The following PCDHGB6 variants were observed in gnomAD, a reference collection of about 807,000 sequenced individuals.
PCDHGB6 encodes protocadherin gamma subfamily B, 6.
PCDHGB6 carries 51 observed loss-of-function variants against 59.1 expected under a neutral mutation model. The ratio of observed to expected loss-of-function variants is 0.86; its 90% CI spans 0.69 to 1.09. The LOEUF (loss-of-function observed/expected upper bound fraction) is 1.09. Among genes scored for constraint, PCDHGB6 ranks in the 50% least tolerant of loss-of-function variants. The probability of loss-of-function intolerance (pLI) is 0.00; values close to 1 mark genes in which losing one functional copy is unlikely to be tolerated. For missense variants in PCDHGB6, 1,148 were observed against 1,205.1 expected, an observed-to-expected ratio of 0.95 and a Z score of 0.70; for synonymous variants, 466 against 495.1, an observed-to-expected ratio of 0.94 and a Z score of 0.78.
intron 1 of PCDHGB6, among the ~76,000 whole-genome samples, chr5:141,479,837 G>A (rs563513895): frequency 3.9e-5 from 6 of 152,338 alleles, no homozygotes; most frequent in Non-Finnish European, 8.8e-5. Flanking sequence ...TGGTATCCAT[G>A]CAAGGTGACT....
chr5:141,451,860 C>T, intron 1 of PCDHGB6, among the ~76,000 whole-genome samples: 1 of 151,832 alleles, frequency 6.6e-6, no homozygotes, highest in Non-Finnish European at 1.5e-5. Flanking sequence ...CAGCCTAGGC[C>T]ACAGAATGAA....
chr5:141,445,025 C>T (rs2154560886), intron 1 of PCDHGB6, among the ~76,000 whole-genome samples: 2 of 152,200 alleles, frequency 1.3e-5, no homozygotes, highest in Middle Eastern at 6.8e-3. Flanking sequence ...TTTCTCTCAG[C>T]TATGTTGTAT....
rs374200575 is a variant in PCDHGB6 at position 141,432,105 on chromosome 5, C to G, written c.2418+21485C>G. On this transcript the variant is annotated intron_variant, in intron 1 of 3. Transcript: ENST00000520790. This position sits in a 1 kb window ranked among gnomAD's most constrained non-coding sequence, Gnocchi z 6.0. The stretch of plus-strand genomic sequence containing the variant: ...AACGTGGCAGACACCAACGACAACC[C>G]GCCGGTCTTCCCTCAGGCCTCCTAT... 1.2e-6 allele frequency: 2 copies of G among 1,614,172 alleles called. No individual in the cohort carries two copies. Among genetic ancestry groups the G allele is most frequent in the Non-Finnish European group, 1.7e-6 (2 of 1,180,034 alleles).
In PCDHGB6 at chr5:141,476,016, G is replaced by C; in HGVS notation, c.2419-18791G>C. On this transcript the variant is annotated intron_variant, in intron 1 of 3. Transcript: ENST00000520790. This position sits in a 1 kb window ranked among gnomAD's most constrained non-coding sequence, Gnocchi z 7.6. ...TCAACGGCATCCAGAAAGCCATGTC[G>C]GACTCGGCGCCCAGCGCCCAAGCGC... 1 of 1,359,386 alleles carries C rather than the reference G, an allele frequency of 7.4e-7. No homozygotes were observed. The highest frequency in any genetic ancestry group is 2.3e-5 in the East Asian group (1 of 43,300). 84.2% of individuals were successfully genotyped at this position (1,359,386 alleles called of 1,614,324 possible).
Position 141,409,502 on chromosome 5 carries a change from T to G in PCDHGB6, c.1300T>G (p.Ser434Ala), listed in dbSNP as rs1311120933. 17 of 1,613,868 alleles carry G rather than the reference T, an allele frequency of 1.1e-5. No homozygotes were observed. The highest frequency in any genetic ancestry group is 1.4e-5 in the Non-Finnish European group (17 of 1,179,896). ...TGACAGGGGCAAGCCGCCTCTTTCT[T>G]CCAGTAGAAGCATCACCTTGTATGT... ...ATDRGKPPLS[S>A]SRSITLYVAD... Residue 434 changes from serine to alanine, a missense_variant, in exon 1 of 4, where the codon TCC (serine) becomes GCC (alanine). Physicochemically the swap from Ser to Ala is moderately conservative, Grantham distance 99. Around this residue, in one of 5 missense-constraint regions of PCDHGB6, gnomAD observed 549 missense variants for 527.5 expected, o/e 1.04. Transcript: ENST00000520790.
chr5:141,421,288 C>T, intron 1 of PCDHGB6: 1 of 1,613,312 alleles, frequency 6.2e-7, no homozygotes, highest in Non-Finnish European at 8.5e-7. Context: ...GTGCATTTTC[C>T]TGGGGACGCT....
chr5:141,425,242 G>A (rs2096863400), intron 1 of PCDHGB6, among the ~76,000 whole-genome samples: 1 of 152,128 alleles, frequency 6.6e-6, no homozygotes, highest in South Asian at 2.1e-4. Context: ...TAAATAAAAA[G>A]GATATGAGGT....
At position 141,409,295 on chromosome 5, in the gene PCDHGB6, G is replaced by A; in HGVS notation, c.1093G>A (p.Val365Ile). 6.2e-7 allele frequency: 1 copy of A among 1,613,992 alleles called. No homozygotes were observed. The highest frequency in any genetic ancestry group is 8.5e-7 in the Non-Finnish European group (1 of 1,179,904). ...QILENSPPGM[V>I]VALFKTRDLD... is the part of the protein sequence containing the mutation. ...TTTGGAGAATTCACCTCCAGGAATG[G>A]TTGTTGCCCTCTTCAAAACACGGGA... The change falls in exon 1 of 4, where the codon GTT (valine) becomes ATT (isoleucine). Residue 365 changes from valine (V) to isoleucine (I), a missense_variant. This residue lies in a region of PCDHGB6 where 549 missense variants were observed against 527.5 expected (regional missense o/e 1.04). Coordinates refer to ENST00000520790, the MANE Select transcript of PCDHGB6 (RefSeq NM_018926.3).
intron 1 of PCDHGB6, chr5:141,441,872 G>T: frequency 2.9e-6 from 1 of 341,646 alleles, no homozygotes. Flanking sequence ...GCGGAGCCTG[G>T]CTACCTGGTC....
intron 1 of PCDHGB6, among the ~76,000 whole-genome samples, chr5:141,444,933 G>A (rs1004890599): frequency 3.3e-5 from 5 of 152,152 alleles, no homozygotes; most frequent in African/African-American, 1.2e-4. Context: ...AAAGAGGGAA[G>A]GAGGGAGGAG....
At chr5:141,419,029 T>C in intron 1 of PCDHGB6, 1 of 1,613,886 alleles carries the variant, frequency 6.2e-7, no homozygotes, top group Non-Finnish European at 8.5e-7. Flanking sequence ...GTAGAGGTGT[T>C]CCATTTAAGA....
chr5:141,441,764 C>A, intron 1 of PCDHGB6: 1 of 384,482 alleles, frequency 2.6e-6, no homozygotes, highest in South Asian at 2.1e-5. Flanking sequence ...TGAGCCTGCG[C>A]GTGTTGGTGG....
chr5:141,494,712 C>T, intron 1 of PCDHGB6, 95 bp from the exon 2 acceptor site: 1 of 1,603,048 alleles, frequency 6.2e-7, no homozygotes, highest in Non-Finnish European at 8.5e-7. Context: ...TCTGTGCCCA[C>T]TCCCCTCCTT....
chr5:141,422,298 T>G, intron 1 of PCDHGB6: 1 of 1,549,054 alleles, frequency 6.5e-7, no homozygotes, highest in Non-Finnish European at 8.7e-7. Flanking sequence ...TTAATTCAAT[T>G]CTGGAAAACT....
intron 1 of PCDHGB6, chr5:141,423,256 G>T (rs751894091): frequency 1.4e-5 from 22 of 1,613,816 alleles, no homozygotes; most frequent in Middle Eastern, 1.6e-4. Flanking sequence ...GGCGGACCTC[G>T]GCAGCCTCGA....
chr5:141,413,652 G>T, intron 1 of PCDHGB6: 4 of 1,613,780 alleles, frequency 2.5e-6, no homozygotes, highest in Non-Finnish European at 3.4e-6. Context: ...TTCCTCTCCC[G>T]GAAGCTATTG....
chr5:141,433,029 T>C (rs2097561523), intron 1 of PCDHGB6: 2 of 1,613,998 alleles, frequency 1.2e-6, no homozygotes, highest in African/African-American at 2.7e-5. Flanking sequence ...TCCCACGAGG[T>C]TTCCCTCACC....
chr5:141,448,118 G>A (rs1356488538), intron 1 of PCDHGB6, among the ~76,000 whole-genome samples: 1 of 151,534 alleles, frequency 6.6e-6, no homozygotes, highest in East Asian at 1.9e-4. Flanking sequence ...AAGAAAATTA[G>A]CCTCCCCCAC....
rs777537045 is a variant in PCDHGB6 at position 141,490,191 on chromosome 5, A to T, written c.2419-4616A>T. The T allele has an allele frequency of 6.2e-7, 1 of 1,614,176 alleles. No homozygotes were observed. The highest frequency in any genetic ancestry group is 1.1e-5 in the South Asian group (1 of 91,082). On this transcript the variant is annotated intron_variant, in intron 1 of 3. Coordinates refer to ENST00000520790, the MANE Select transcript of PCDHGB6 (RefSeq NM_018926.3). The surrounding 1 kb of genome is among the most constrained non-coding windows in gnomAD (Gnocchi z 5.4). ...ACTTTGAGGAGTCACGTTTCTATGA[A>T]ATTCATGCAAGAGCCCGTGACCAGG...
Sources: allele counts gnomAD v4.1 joint callset (sites outside exome capture counted in the v4.1 genomes callset), GRCh38; gene constraint gnomAD v4.1.1; regional missense constraint gnomAD v4.1.1; non-coding constraint Gnocchi (gnomAD v3.1); transcripts MANE v1.5; gene names NCBI Gene and HGNC (gene_info 2026-07-23, HGNC 2026-07-21).